Variants in BHLHE41 observed in about 807,000 individuals in gnomAD.
BHLHE41 encodes basic helix-loop-helix family member e41, also known as class E basic helix-loop-helix protein 41.
In BHLHE41, 14 loss-of-function variants were observed where a neutral mutation model predicts 24.0. The observed-to-expected ratio is 0.58, with a 90% CI of 0.39 to 0.91. BHLHE41 has a LOEUF of 0.91. BHLHE41 is among the 40% of genes least tolerant of loss of function. The pLI, the probability that BHLHE41 is intolerant of heterozygous loss-of-function variation, is 0.00. For missense variants in BHLHE41, 674 were observed against 655.4 expected (o/e 1.03, Z -0.31); for synonymous variants, 394 against 315.5 (o/e 1.25, Z -2.64).
Position 26,122,493 on chromosome 12 carries a change from G to A in BHLHE41, c.1022C>T (p.Ala341Val). 2.3e-6 allele frequency: 3 copies of A among 1,321,488 alleles called. No individual in the cohort carries two copies. Among genetic ancestry groups the A allele is most frequent in the South Asian group, 1.8e-5 (1 of 56,738 alleles). The allele number at this position is 1,321,488 out of a possible 1,614,324, so 81.9% of individuals were successfully genotyped here. A position where few individuals can be genotyped will look rare whatever the true frequency, so the allele number is the denominator to read the frequency against. ...GGGGAPFPQPAAAAAPFCLPF... is the reference protein window; with the variant it reads ...GGGGAPFPQPVAAAAPFCLPF... ...CAGGCAGAAGGGGGCCGCGGCGGCCGCGGGCTGCGGGAAGGGCGCGCCTCC... is the reference window on the plus strand; with the variant it reads ...CAGGCAGAAGGGGGCCGCGGCGGCCACGGGCTGCGGGAAGGGCGCGCCTCC... The change falls in exon 5 of 5, where the codon GCG (alanine) becomes GTG (valine). Residue 341 changes from alanine (A) to valine (V), a missense_variant. Coordinates refer to ENST00000242728, the MANE Select transcript of BHLHE41 (RefSeq NM_030762.3).
chr12:26,124,130 C>T lies in BHLHE41; in HGVS notation c.176G>A (p.Arg59Gln). 6.2e-7 allele frequency: 1 copy of T among 1,612,970 alleles called. No individual in the cohort carries two copies. Among genetic ancestry groups the T allele is most frequent in the Non-Finnish European group, 8.5e-7 (1 of 1,179,086 alleles). Reference sequence around the variant, plus strand: ...CAGCTGAGCAATGCATTCATTAATTCGGTCTCTTCTTTTCTTTTCTATTAA... The same window carrying T: ...CAGCTGAGCAATGCATTCATTAATTTGGTCTCTTCTTTTCTTTTCTATTAA... ...HRLIEKKRRD[R>Q]INECIAQLKD... Residue 59 changes from arginine (R) to glutamine (Q), a missense_variant, in exon 3 of 5, where the codon CGA (arginine) becomes CAA (glutamine). By Grantham distance (43) the Arg-to-Gln change is conservative. Coordinates refer to ENST00000242728, the MANE Select transcript of BHLHE41 (RefSeq NM_030762.3).
In BHLHE41 at chr12:26,122,052, C is replaced by T. The variant is rs1944310134; in HGVS notation, c.*14G>A. 6 of 1,549,274 alleles carry T rather than the reference C, an allele frequency of 3.9e-6. No homozygotes were observed. The highest frequency in any genetic ancestry group is 1.4e-5 in the African/African-American group (1 of 73,074). On this transcript the variant is annotated 3_prime_UTR_variant, in exon 5 of 5. Coordinates refer to ENST00000242728, the MANE Select transcript of BHLHE41 (RefSeq NM_030762.3). ...TCACTCTGCTTGAACCTCCGTCCTT[C>T]GGGACGCAAGGATTCAGGGAGCTTC...
chr12:26,124,958 G>A lies in BHLHE41; in HGVS notation c.-179C>T, dbSNP rs1944350795. On this transcript the variant is annotated 5_prime_UTR_variant, in exon 1 of 5. Coordinates refer to ENST00000242728, the MANE Select transcript of BHLHE41 (RefSeq NM_030762.3). Reference sequence around the variant, plus strand: ...TTGGTCCCCCCCCTCCACCGCGCTCGCACACACACACGCACACACACGCAC... The same window carrying A: ...TTGGTCCCCCCCCTCCACCGCGCTCACACACACACACGCACACACACGCAC... 2 of 690,436 alleles carry A rather than the reference G, an allele frequency of 2.9e-6. No individual in the cohort carries two copies. Among genetic ancestry groups the A allele is most frequent in the Non-Finnish European group, 5.2e-6 (2 of 382,744 alleles). The allele number at this position is 690,436 out of a possible 1,614,324, so 42.8% of individuals were successfully genotyped here.
chr12:26,123,283 G>GT, intron 4 of BHLHE41, 115 bp from the exon 5 acceptor site: 3 of 1,343,936 alleles, frequency 2.2e-6, no homozygotes, highest in South Asian at 1.5e-5. Context: ...AGTGATCTCG[G>GT]TTTTTCCCCA....
rs200886903 is a variant in BHLHE41, at chr12:26,123,080, G to A, written c.435C>T (p.Tyr145=). The A allele has an allele frequency of 5.3e-4, 848 of 1,601,018 alleles. 1 individual carries two copies. The Middle Eastern group carries it at 8.9e-3, about 17-fold the overall frequency. Residue 145 remains tyrosine (Y), a synonymous_variant, in exon 5 of 5, where the codon TAC becomes TAT. Transcript: ENST00000242728. The part of the protein sequence containing the change: ...FQTCAKEVLQ[Y]LSRFESWTPR... Reference sequence around the variant, plus strand: ...GTGTCCAGCTCTCAAACCGGGAGAGGTATTGCAAGACTTCTTTGGCGCATG... The same window carrying A: ...GTGTCCAGCTCTCAAACCGGGAGAGATATTGCAAGACTTCTTTGGCGCATG...
In BHLHE41 at chr12:26,122,300, A is replaced by AGCGGCG. The variant is rs1266833600; in HGVS notation, c.1209_1214dup (p.Ala410_Ala411dup). On this transcript the variant is annotated inframe_insertion, in exon 5 of 5. Transcript: ENST00000242728. ...AGGGGAACGCGGCGGCGGCGGCGGC[A>AGCGGCG]GCGGCGGCGGCGGCTGCCGCGGCTG... 1.4e-5 allele frequency: 16 copies of AGCGGCG among 1,164,864 alleles called. No individual in the cohort carries two copies. Among genetic ancestry groups the AGCGGCG allele is most frequent in the Non-Finnish European group, 1.7e-5 (16 of 949,176 alleles). The allele number at this position is 1,164,864 out of a possible 1,614,324, so 72.2% of individuals were successfully genotyped here.
chr12:26,122,168 CGGGTGCTGG>C lies in BHLHE41; in HGVS notation c.1338_1346del (p.Gln447_Pro449del), dbSNP rs781520987. The C allele has an allele frequency of 2.2e-5, 33 of 1,531,950 alleles. No individual in the cohort carries two copies. The East Asian group carries it at 2.8e-4, about 13-fold the overall frequency. 94.9% of individuals were successfully genotyped at this position (1,531,950 alleles called of 1,614,324 possible). On this transcript the variant is annotated inframe_deletion, in exon 5 of 5. Transcript: ENST00000242728. ...CGAAGGGCAGGTGGGTGCGGCCGTG[CGGGTGCTGG>C]GGGTGCGGCGCCCCAAGGGGCGCCA...
At position 26,122,167 on chromosome 12, in the gene BHLHE41, G is replaced by A. The variant is rs1159690058; in HGVS notation, c.1348C>T (p.His450Tyr). ...PLGAPHPQHPHGRTHLPFAGP... is the reference protein window; with the variant it reads ...PLGAPHPQHPYGRTHLPFAGP... Reference sequence around the variant, plus strand: ...GCGAAGGGCAGGTGGGTGCGGCCGTGCGGGTGCTGGGGGTGCGGCGCCCCA... The same window carrying A: ...GCGAAGGGCAGGTGGGTGCGGCCGTACGGGTGCTGGGGGTGCGGCGCCCCA... The change falls in exon 5 of 5, where the codon CAC becomes TAC. Residue 450 changes from histidine (H) to tyrosine (Y), a missense_variant. This residue lies in a region of BHLHE41 where 602 missense variants were observed against 570.8 expected (regional missense o/e 1.05). Coordinates refer to ENST00000242728, the MANE Select transcript of BHLHE41 (RefSeq NM_030762.3). 2 of 1,534,834 alleles carry A rather than the reference G, an allele frequency of 1.3e-6. No homozygotes were observed. Among genetic ancestry groups the A allele is most frequent in the Admixed American group, 2.0e-5 (1 of 49,650 alleles).
chr12:26,122,612 T>TGCCGCCGCCGCCGCGCCGCCCCCCGG lies in BHLHE41; in HGVS notation c.877_902dup (p.Ala302ArgfsTer24). 8.8e-7 allele frequency: 1 copy of TGCCGCCGCCGCCGCGCCGCCCCCCGG among 1,130,288 alleles called. No homozygotes were observed. The highest frequency in any genetic ancestry group is 1.1e-6 in the Non-Finnish European group (1 of 927,452). 70.0% of individuals were successfully genotyped at this position (1,130,288 alleles called of 1,614,324 possible). On this transcript the variant is annotated frameshift_variant, in exon 5 of 5. Coordinates refer to ENST00000242728, the MANE Select transcript of BHLHE41 (RefSeq NM_030762.3). LOFTEE classifies it low-confidence loss of function (END_TRUNC). ...CAGGGTCGGGCCCCAGAAGCGCGGC[T>TGCCGCCGCCGCCGCGCCGCCCCCCGG]GCCGCCGCCGCCGCGCCGCCCCCCG...
rs2137390554 is a variant in BHLHE41 at position 26,124,819 on chromosome 12, G to A, written c.-40C>T. 1 of 1,601,140 alleles carries A rather than the reference G, an allele frequency of 6.2e-7. No individual in the cohort carries two copies. The highest frequency in any genetic ancestry group is 1.3e-5 in the African/African-American group (1 of 74,718). ...CGTTTCCTCTGTTTCGATTTTTGGG[G>A]CTCTGTACAATAATCTGTGGGACGG... On this transcript the variant is annotated 5_prime_UTR_variant, in exon 1 of 5. Transcript: ENST00000242728.
Position 26,123,091 on chromosome 12 carries a change from C to T in BHLHE41, c.424G>A (p.Val142Ile), listed in dbSNP as rs771058108. 8 of 1,606,248 alleles carry T rather than the reference C, an allele frequency of 5.0e-6. No homozygotes were observed. The South Asian group carries it at 7.8e-5, about 16-fold the overall frequency. The change falls in exon 5 of 5, where the codon GTC (valine) becomes ATC (isoleucine). Residue 142 changes from valine to isoleucine, a missense_variant. By Grantham distance (29) the Val-to-Ile change is conservative. Around this residue, in one of 3 missense-constraint regions of BHLHE41, gnomAD observed 602 missense variants for 570.8 expected, o/e 1.05. Transcript: ENST00000242728. ...HSGFQTCAKE[V>I]LQYLSRFESW... ...TCAAACCGGGAGAGGTATTGCAAGA[C>T]TTCTTTGGCGCATGTTTGAAATCCC...
rs1417550897 is a variant in BHLHE41 at position 26,124,111 on chromosome 12, A to G, written c.195T>C (p.Ala65=). Residue 65 remains alanine (A), a synonymous_variant, in exon 3 of 5, where the codon GCT becomes GCC. Coordinates refer to ENST00000242728, the MANE Select transcript of BHLHE41 (RefSeq NM_030762.3). ...GTTCAGGCAGTAAATCTTTCAGCTG[A>G]GCAATGCATTCATTAATTCGGTCTC... The part of the protein sequence containing the change: ...KRRDRINECI[A]QLKDLLPEHL... 1 of 1,613,096 alleles carries G rather than the reference A, an allele frequency of 6.2e-7. No individual in the cohort carries two copies. Among genetic ancestry groups the G allele is most frequent in the East Asian group, 2.2e-5 (1 of 44,880 alleles).
In BHLHE41 at chr12:26,122,635, C is replaced by T; in HGVS notation, c.880G>A (p.Gly294Arg). 7.8e-7 allele frequency: 1 copy of T among 1,282,036 alleles called. No individual in the cohort carries two copies. The highest frequency in any genetic ancestry group is 9.9e-7 in the Non-Finnish European group (1 of 1,012,324). The allele number at this position is 1,282,036 out of a possible 1,614,324, so 79.4% of individuals were successfully genotyped here. A position where few individuals can be genotyped will look rare whatever the true frequency, so the allele number is the denominator to read the frequency against. ...SRGGGSGGGP[G>R]GGAAAAAAAL... ...GCTGCCGCCGCCGCCGCGCCGCCCCCCGGGCCGCCGCCGCTGCCGCCGCCG... is the reference window on the plus strand; with the variant it reads ...GCTGCCGCCGCCGCCGCGCCGCCCCTCGGGCCGCCGCCGCTGCCGCCGCCG... Residue 294 changes from glycine to arginine, a missense_variant, in exon 5 of 5, where the codon GGG (glycine) becomes AGG (arginine). Around this residue, in one of 3 missense-constraint regions of BHLHE41, gnomAD observed 602 missense variants for 570.8 expected, o/e 1.05. Coordinates refer to ENST00000242728, the MANE Select transcript of BHLHE41 (RefSeq NM_030762.3).
chr12:26,122,157 G>A lies in BHLHE41; in HGVS notation c.1358C>T (p.Thr453Ile), dbSNP rs1313689040. 7 of 1,539,520 alleles carry A rather than the reference G, an allele frequency of 4.5e-6. No individual in the cohort carries two copies. The highest frequency in any genetic ancestry group is 1.2e-5 in the South Asian group (1 of 82,776). Residue 453 changes from threonine (T) to isoleucine (I), a missense_variant, in exon 5 of 5, where the codon ACC (threonine) becomes ATC (isoleucine). Physicochemically the swap from Thr to Ile is moderately conservative, Grantham distance 89 (BLOSUM62 -1). Transcript: ENST00000242728. ...GCGGGGCCCGGCGAAGGGCAGGTGG[G>A]TGCGGCCGTGCGGGTGCTGGGGGTG... ...APHPQHPHGR[T>I]HLPFAGPREP...
Position 26,124,404 on chromosome 12 carries a change from A to G in BHLHE41, c.126+115T>C, listed in dbSNP as rs1944343986. On this transcript the variant is annotated intron_variant, in intron 2 of 4. Coordinates refer to ENST00000242728, the MANE Select transcript of BHLHE41 (RefSeq NM_030762.3). ...ACCCAGCAAGCCACTTAAAATTCAC[A>G]GTTGGGGAAGCTCAGGGGCTGGAAT... 4.2e-6 allele frequency: 5 copies of G among 1,187,860 alleles called. No individual in the cohort carries two copies. The Admixed American group carries it at 8.6e-5, about 20-fold the overall frequency. The allele number at this position is 1,187,860 out of a possible 1,614,324, so 73.6% of individuals were successfully genotyped here. A position where few individuals can be genotyped will look rare whatever the true frequency, so the allele number is the denominator to read the frequency against.
intron 2 of BHLHE41, 74 bp downstream of exon 2, chr12:26,124,445 G>T: frequency 6.7e-7 from 1 of 1,492,922 alleles, no homozygotes; most frequent in Non-Finnish European, 9.3e-7. Flanking sequence ...TGCGGGCAGA[G>T]CTTCACTGTG....
chr12:26,124,253 G>GCCCCACCCCC (rs1944342136), intron 2 of BHLHE41, 74 bp from the exon 3 acceptor site: 1 of 755,870 alleles, frequency 1.3e-6, no homozygotes, highest in Non-Finnish European at 2.2e-6. Flanking sequence ...ACCCTCGTCT[G>GCCCCACCCCC]CCCCCCCCGC....
At chr12:26,123,288 T>G in intron 4 of BHLHE41, 120 bp from the exon 5 acceptor site, 10 of 1,310,676 alleles carry the variant, frequency 7.6e-6, no homozygotes, top group Non-Finnish European at 9.2e-6. Flanking sequence ...TCTCGGTTTT[T>G]CCCCAGTATT....
chr12:26,123,914 G>A, intron 3 of BHLHE41, 158 bp downstream of exon 3: 2 of 741,462 alleles, frequency 2.7e-6, no homozygotes, highest in East Asian at 5.3e-5. Flanking sequence ...GCCTTCAGCT[G>A]GGAGCACCTA....
Sources: gnomAD v4.1 joint callset for allele counts on GRCh38, gnomAD v4.1.1 for gene constraint, gnomAD v4.1.1 regional missense constraint, MANE v1.5 for transcripts, NCBI Gene and HGNC (gene_info 2026-07-23, HGNC 2026-07-21) for gene names.